Variants in C12orf56 observed in about 807,000 individuals in gnomAD.
C12orf56 encodes the protein uncharacterized protein C12orf56.
C12orf56 carries 71 observed loss-of-function variants against 69.9 expected under a neutral mutation model. That is an observed-to-expected ratio of 1.02 (90% CI 0.84 to 1.24). C12orf56 has a LOEUF of 1.24. C12orf56 is among the 50% of genes most tolerant of loss of function. C12orf56 has a pLI of 0.00. For missense variants in C12orf56, 732 were observed against 738.5 expected, an observed-to-expected ratio of 0.99 and a Z score of 0.10; for synonymous variants, 276 against 274.1, an observed-to-expected ratio of 1.01 and a Z score of -0.07.
At chr12:64,347,768 T>C (rs1311973920) in intron 2 of C12orf56, among the ~76,000 whole-genome samples, 2 of 152,216 alleles carry the variant, frequency 1.3e-5, no homozygotes, top group Non-Finnish European at 2.9e-5. Flanking sequence ...GTGGTACCTT[T>C]TAGTTTATGT....
intron 2 of C12orf56, among the ~76,000 whole-genome samples, chr12:64,344,029 C>G (rs2039109539): frequency 6.6e-6 from 1 of 152,158 alleles, no homozygotes; most frequent in Non-Finnish European, 1.5e-5. Flanking sequence ...ATTACCTGAC[C>G]TCCATAAGCC....
chr12:64,277,632 CTATATA>C, intron 9 of C12orf56, 42 bp downstream of exon 9: 2 of 936,692 alleles, frequency 2.1e-6, no homozygotes, highest in Non-Finnish European at 2.7e-6. Context: ...GCCAGGGCCC[CTATATA>C]TATATATATA....
chr12:64,301,434 C>G (rs1347548201), intron 6 of C12orf56, among the ~76,000 whole-genome samples: 1 of 152,090 alleles, frequency 6.6e-6, no homozygotes, highest in Non-Finnish European at 1.5e-5. Context: ...TGAAGGAACT[C>G]CCCAAACCTC....
chr12:64,386,316 C>T (rs143809461), intron 1 of C12orf56, among the ~76,000 whole-genome samples: 5,760 of 151,108 alleles, frequency 0.038, 317 homozygotes, highest in African/African-American at 0.13. Context: ...CGGGTTCAAG[C>T]GATTCTCCCA....
intron 1 of C12orf56, among the ~76,000 whole-genome samples, chr12:64,386,801 G>A (rs543470123): frequency 1.6e-4 from 24 of 151,650 alleles, no homozygotes; most frequent in African/African-American, 5.8e-4. Flanking sequence ...AAAGTGCTGG[G>A]ATTACAGGTG....
At chr12:64,279,584 C>T (rs770735897) in intron 8 of C12orf56, among the ~76,000 whole-genome samples, 12 of 152,152 alleles carry the variant, frequency 7.9e-5, no homozygotes, top group Non-Finnish European at 1.6e-4. Context: ...GGATCTGAGG[C>T]TTTCTAATCT....
chr12:64,297,685 G>A (rs2038385135), intron 6 of C12orf56, among the ~76,000 whole-genome samples: 1 of 152,152 alleles, frequency 6.6e-6, no homozygotes, highest in Admixed American at 6.6e-5. Context: ...ATGGTTTCCA[G>A]CTTCATCCAT....
intron 2 of C12orf56, among the ~76,000 whole-genome samples, chr12:64,335,137 C>G (rs1335943540): frequency 6.6e-6 from 1 of 152,088 alleles, no homozygotes; most frequent in Non-Finnish European, 1.5e-5. Flanking sequence ...AGTTTTGTGG[C>G]CAGGCATGGT....
chr12:64,369,222 G>T (rs2039537610), intron 1 of C12orf56, among the ~76,000 whole-genome samples: 1 of 151,234 alleles, frequency 6.6e-6, no homozygotes, highest in Non-Finnish European at 1.5e-5. Flanking sequence ...TTTTTAGACG[G>T]AGTTTCATTC....
In C12orf56 at chr12:64,318,797, T is replaced by A. The variant is rs1284052718; in HGVS notation, c.672A>T (p.Thr224=). The A allele has an allele frequency of 6.5e-7, 1 of 1,537,230 alleles. No homozygotes were observed. Among genetic ancestry groups the A allele is most frequent in the Non-Finnish European group, 8.7e-7 (1 of 1,146,900 alleles). ...GATCTGGAAGTCCCTGGGGTTCTTT[T>A]GTGTTTGTTGTGCAAGATGGCTCGC... The part of the protein sequence containing the change: ...AVSEPSCTTN[T]KEPQGLPDHN... Residue 224 remains threonine (T), a synonymous_variant, in exon 4 of 13, where the codon ACA becomes ACT. Transcript: ENST00000543942.
In C12orf56 at chr12:64,359,745, G is replaced by A. The variant is rs183675030; in HGVS notation, c.253-6689C>T. On this transcript the variant is annotated intron_variant, in intron 1 of 12. Coordinates refer to ENST00000543942, the MANE Select transcript of C12orf56 (RefSeq NM_001170633.2). ...ATTATTTTTTTAAAGACAGAGTCTC[G>A]CTCTGTCACCCAGGCTGGAGTAGAG... is the stretch of plus-strand genomic sequence containing the variant. Among the ~76,000 whole-genome samples, 20 of 152,128 alleles carry A rather than the reference G, an allele frequency of 1.3e-4. No homozygotes were observed. In the East Asian group the frequency reaches 2.9e-3, roughly 22 times the overall value.
chr12:64,328,767 A>G (rs975176511), intron 3 of C12orf56, among the ~76,000 whole-genome samples: 3 of 146,232 alleles, frequency 2.1e-5, no homozygotes, highest in Non-Finnish European at 4.5e-5. Flanking sequence ...GCAACTTAAG[A>G]AACAACTTTT....
intron 2 of C12orf56, among the ~76,000 whole-genome samples, chr12:64,347,954 C>T (rs748340123): frequency 3.9e-5 from 6 of 152,078 alleles, no homozygotes; most frequent in Non-Finnish European, 8.8e-5. Flanking sequence ...GAAAGAAATT[C>T]TGTGTGTGAA....
chr12:64,310,041 ATGGTCTCTCT>A (rs2038585689), intron 5 of C12orf56, among the ~76,000 whole-genome samples: 1 of 151,440 alleles, frequency 6.6e-6, no homozygotes, highest in African/African-American at 2.4e-5. Flanking sequence ...TCTTTTAGAA[ATGGTCTCTCT>A]CTGTCACTCA....
intron 12 of C12orf56, among the ~76,000 whole-genome samples, chr12:64,269,689 A>G (rs2037956878): frequency 6.6e-6 from 1 of 151,986 alleles, no homozygotes; most frequent in African/African-American, 2.4e-5. Context: ...CCTGGGTTCA[A>G]GTGATTCTCC....
chr12:64,380,091 C>A (rs2039693337), intron 1 of C12orf56, among the ~76,000 whole-genome samples: 1 of 101,154 alleles, frequency 9.9e-6, no homozygotes, highest in African/African-American at 3.9e-5. Context: ...GGCGACAGAG[C>A]AAGACTCCGT....
Position 64,274,903 on chromosome 12 carries a change from T to C in C12orf56, c.1582A>G (p.Ile528Val), listed in dbSNP as rs2038030855. Reference sequence around the variant, plus strand: ...CGTTTTGACTTCTAGATACTTACGATGGGAGGACAGCTTTGTAGAAAGGAC... The same window carrying C: ...CGTTTTGACTTCTAGATACTTACGACGGGAGGACAGCTTTGTAGAAAGGAC... ...IMSFLQSCPP[I>V]ITFVASIVKQ... The change falls in exon 11 of 13, where the codon ATC (isoleucine) becomes GTC (valine). Residue 528 changes from isoleucine (I) to valine (V), a missense_variant and splice_region_variant. By Grantham distance (29) the Ile-to-Val change is conservative. Transcript: ENST00000543942. 6.2e-7 allele frequency: 1 copy of C among 1,606,684 alleles called. No individual in the cohort carries two copies. The highest frequency in any genetic ancestry group is 8.5e-7 in the Non-Finnish European group (1 of 1,173,604).
intron 2 of C12orf56, chr12:64,338,562 G>C: frequency 6.6e-7 from 1 of 1,504,610 alleles, no homozygotes; most frequent in Non-Finnish European, 9.2e-7. Context: ...AGTCTTGCTT[G>C]ATTCATCAAA....
chr12:64,373,822 C>T (rs1167641122), intron 1 of C12orf56, among the ~76,000 whole-genome samples: 39 of 152,076 alleles, frequency 2.6e-4, no homozygotes, highest in Admixed American at 2.4e-3. Context: ...TTAATCTTCT[C>T]GTTCATGTTC....
Sources: allele counts gnomAD v4.1 joint callset (sites outside exome capture counted in the v4.1 genomes callset), GRCh38; gene constraint gnomAD v4.1.1; transcripts MANE v1.5; gene names NCBI Gene and HGNC (gene_info 2026-07-23, HGNC 2026-07-21).